PLPPR1: variants seen among roughly 807,000 people sequenced by gnomAD.
PLPPR1 encodes the protein phospholipid phosphatase-related protein type 1.
In PLPPR1, 10 loss-of-function variants were observed where a neutral mutation model predicts 33.1. The observed-to-expected ratio is 0.30, with a 90% CI of 0.19 to 0.51. The LOEUF is 0.51. Among genes scored for constraint, PLPPR1 ranks in the 20% least tolerant of loss-of-function variants. PLPPR1 has a pLI of 0.97. For missense variants in PLPPR1, 304 were observed against 408.1 expected, an observed-to-expected ratio of 0.74 and a Z score of 2.20; for synonymous variants, 151 against 151.0, an observed-to-expected ratio of 1.00 and a Z score of 0.00.
chr9:101,167,753 C>T (rs1158968579), intron 1 of PLPPR1, among the ~76,000 whole-genome samples: 1 of 152,128 alleles, frequency 6.6e-6, no homozygotes, highest in Non-Finnish European at 1.5e-5. Context: ...TTCTATCTAC[C>T]TCTCCTCCCT....
At chr9:101,092,359 A>T (rs1219280880) in intron 1 of PLPPR1, among the ~76,000 whole-genome samples, 5 of 152,176 alleles carry the variant, frequency 3.3e-5, no homozygotes, top group African/African-American at 1.2e-4. Flanking sequence ...TCTAAGTTTC[A>T]TCAGGACCAG....
chr9:101,252,507 C>T (rs1470236781), intron 2 of PLPPR1, among the ~76,000 whole-genome samples: 1 of 152,022 alleles, frequency 6.6e-6, no homozygotes, highest in Non-Finnish European at 1.5e-5. Flanking sequence ...TAGTGGCAAC[C>T]TATTGAGTAA....
intron 2 of PLPPR1, among the ~76,000 whole-genome samples, chr9:101,207,885 C>T (rs903660291): frequency 6.6e-6 from 1 of 152,078 alleles, no homozygotes; most frequent in African/African-American, 2.4e-5. Context: ...CTTCCAAGAG[C>T]CTAAGGAAAG....
intron 1 of PLPPR1, among the ~76,000 whole-genome samples, chr9:101,033,428 C>A (rs1252871979): frequency 1.3e-5 from 2 of 152,046 alleles, no homozygotes; most frequent in Non-Finnish European, 2.9e-5. Flanking sequence ...GTAGAGATCC[C>A]AGCATCTAGT....
Position 101,246,122 on chromosome 9 carries a change from A to AGATT in PLPPR1, c.64-23757_64-23754dup, listed in dbSNP as rs1564015147. Among the ~76,000 whole-genome samples the AGATT allele has an allele frequency of 3.5e-5, 5 of 142,558 alleles. No homozygotes were observed. In the South Asian group the frequency reaches 6.7e-4, roughly 19 times the overall value. The allele number at this position is 142,558 out of a possible 152,430, so 93.5% of individuals were successfully genotyped here. On this transcript the variant is annotated intron_variant, in intron 2 of 7. Transcript: ENST00000374874. The stretch of plus-strand genomic sequence containing the variant: ...TATATATATATATAGATAGATAGAT[A>AGATT]GATTTGTATAAGCACTGAAATCTAG...
intron 4 of PLPPR1, among the ~76,000 whole-genome samples, chr9:101,292,743 C>T (rs1044851193): frequency 6.6e-6 from 1 of 151,624 alleles, no homozygotes; most frequent in Admixed American, 6.6e-5. Context: ...CCTTTACAGA[C>T]AAGCAAATGC....
chr9:101,057,918 T>G (rs746948666), intron 1 of PLPPR1, among the ~76,000 whole-genome samples: 2 of 152,076 alleles, frequency 1.3e-5, no homozygotes, highest in Non-Finnish European at 2.9e-5. Context: ...ATGAGTACAT[T>G]TGGAGGTGAG....
rs1449180527 is a variant in PLPPR1 at position 101,312,893 on chromosome 9, C to A, written c.732C>A (p.Leu244=). 3 of 1,614,192 alleles carry A rather than the reference C, an allele frequency of 1.9e-6. No individual in the cohort carries two copies. The highest frequency in any genetic ancestry group is 1.7e-5 in the Admixed American group (1 of 60,034). The change falls in exon 6 of 8, where the codon CTC becomes CTA. Residue 244 remains leucine (L), a synonymous_variant. Transcript: ENST00000374874. ...GTLCTAFLTG[L]NRVSEYRNHC... ...TCTGCACAGCCTTCCTGACAGGCCT[C>A]AACCGGGTCTCTGAGTATCGGAACC... is the stretch of plus-strand genomic sequence containing the variant.
intron 1 of PLPPR1, among the ~76,000 whole-genome samples, chr9:101,108,309 G>T (rs1831004596): frequency 6.6e-6 from 1 of 152,174 alleles, no homozygotes; most frequent in Non-Finnish European, 1.5e-5. Flanking sequence ...TATGGACCAG[G>T]AGTTGTCAGA....
intron 1 of PLPPR1, among the ~76,000 whole-genome samples, chr9:101,176,835 A>C (rs148874623): frequency 0.01 from 1,583 of 152,344 alleles, 10 homozygotes; most frequent in Middle Eastern, 0.02. Flanking sequence ...ACCAAGAATC[A>C]AAAAGATCTC....
At chr9:101,173,962 GC>G (rs1328648131) in intron 1 of PLPPR1, among the ~76,000 whole-genome samples, 2 of 152,070 alleles carry the variant, frequency 1.3e-5, no homozygotes, top group African/African-American at 4.8e-5. Context: ...AAATGTTCCA[GC>G]CTAGGCAACA....
chr9:101,290,356 C>A (rs996873574), intron 4 of PLPPR1, among the ~76,000 whole-genome samples: 4 of 152,120 alleles, frequency 2.6e-5, no homozygotes, highest in Non-Finnish European at 5.9e-5. Flanking sequence ...TGTAATTATT[C>A]CACAATCTAC....
chr9:101,180,607 C>T (rs1304927929), intron 1 of PLPPR1, among the ~76,000 whole-genome samples: 1 of 151,632 alleles, frequency 6.6e-6, no homozygotes, highest in Admixed American at 6.6e-5. Flanking sequence ...AATTGATTTT[C>T]AACAGAGGTG....
intron 2 of PLPPR1, among the ~76,000 whole-genome samples, chr9:101,231,600 A>G (rs1356909005): frequency 6.6e-6 from 1 of 151,990 alleles, no homozygotes; most frequent in Non-Finnish European, 1.5e-5. Context: ...TTTTCTTTCG[A>G]ATTTGTTTAA....
chr9:101,174,234 AG>A (rs1825987259), intron 1 of PLPPR1, among the ~76,000 whole-genome samples: 1 of 152,178 alleles, frequency 6.6e-6, no homozygotes, highest in South Asian at 2.1e-4. Flanking sequence ...CTTACTTCGA[AG>A]GGTACAATTT....
chr9:101,166,651 C>T (rs1825862100), intron 1 of PLPPR1, among the ~76,000 whole-genome samples: 1 of 152,090 alleles, frequency 6.6e-6, no homozygotes, highest in South Asian at 2.1e-4. Flanking sequence ...AAATTAACTC[C>T]AGAAATATTA....
chr9:101,149,787 G>T (rs1426196863), intron 1 of PLPPR1, among the ~76,000 whole-genome samples: 1 of 152,020 alleles, frequency 6.6e-6, no homozygotes, highest in African/African-American at 2.4e-5. Context: ...TACTATGTCA[G>T]GCTTTCCTAG....
chr9:101,256,899 G>A (rs1827813307), intron 2 of PLPPR1, among the ~76,000 whole-genome samples: 1 of 152,000 alleles, frequency 6.6e-6, no homozygotes, highest in African/African-American at 2.4e-5. Flanking sequence ...CCTGTAAACA[G>A]GTTGCTTCTA....
chr9:101,046,850 C>A (rs916786504), intron 1 of PLPPR1, among the ~76,000 whole-genome samples: 2 of 152,052 alleles, frequency 1.3e-5, no homozygotes, highest in Non-Finnish European at 2.9e-5. Context: ...TTCATAAATC[C>A]TTTTAATTAT....
Sources: gnomAD v4.1 joint callset for allele counts (sites outside exome capture counted in the v4.1 genomes callset) on GRCh38, gnomAD v4.1.1 for gene constraint, MANE v1.5 for transcripts, NCBI Gene and HGNC (gene_info 2026-07-23, HGNC 2026-07-21) for gene names.